The following NRG3 variants were observed in gnomAD, a reference collection of about 807,000 sequenced individuals.
NRG3 encodes neuregulin 3, also known as pro-neuregulin-3, membrane-bound isoform.
A neutral mutation model predicts 66.9 loss-of-function variants in NRG3; 31 were observed. The ratio of observed to expected loss-of-function variants is 0.46; its 90% confidence interval spans 0.35 to 0.63. The LOEUF is 0.63. Ranked by LOEUF, NRG3 falls within the 20% of genes least tolerant of loss-of-function variation. The pLI is 0.00. For synonymous variants in NRG3, 393 were observed against 359.4 expected (o/e 1.09, Z -1.06); for missense variants, 910 against 878.9 (o/e 1.04, Z -0.45).
intron 1 of NRG3, among the ~76,000 whole-genome samples, chr10:82,055,990 A>G (rs2063829752): frequency 6.6e-6 from 1 of 152,198 alleles, no homozygotes; most frequent in Non-Finnish European, 1.5e-5. Flanking sequence ...GGAATAGGAT[A>G]GTGAATGGAA....
chr10:81,955,491 TA>T (rs1314529290), intron 1 of NRG3, among the ~76,000 whole-genome samples: 3 of 152,164 alleles, frequency 2.0e-5, no homozygotes, highest in African/African-American at 7.2e-5. Context: ...TTGGGATCTG[TA>T]TCCAGCTAAG....
chr10:82,904,273 CTT>C (rs1844510385), intron 4 of NRG3, among the ~76,000 whole-genome samples: 4 of 152,112 alleles, frequency 2.6e-5, no homozygotes, highest in Admixed American at 2.6e-4. Flanking sequence ...CAAGACAACT[CTT>C]TTTCTTCAAA....
At chr10:82,304,747 A>G (rs911261982) in intron 1 of NRG3, among the ~76,000 whole-genome samples, 2 of 152,088 alleles carry the variant, frequency 1.3e-5, no homozygotes, top group East Asian at 3.9e-4. Flanking sequence ...TCTTTTGATT[A>G]CCTTAAAACC....
chr10:82,067,675 C>A (rs1173893374), intron 1 of NRG3, among the ~76,000 whole-genome samples: 1 of 152,174 alleles, frequency 6.6e-6, no homozygotes, highest in African/African-American at 2.4e-5. Flanking sequence ...GCTGACAGCA[C>A]CAGTGGATTG....
intron 1 of NRG3, among the ~76,000 whole-genome samples, chr10:81,917,414 A>G (rs2132825989): frequency 6.6e-6 from 1 of 152,322 alleles, no homozygotes; most frequent in South Asian, 2.1e-4. Flanking sequence ...ATAGCTCCTC[A>G]AAATATGTTT....
intron 2 of NRG3, among the ~76,000 whole-genome samples, chr10:82,716,401 T>C (rs987105277): frequency 2.0e-5 from 3 of 152,174 alleles, no homozygotes; most frequent in Non-Finnish European, 4.4e-5. Flanking sequence ...TATCTCTGAA[T>C]GCAGATCTGT....
At chr10:82,403,691 CT>C (rs1273295244) in intron 2 of NRG3, among the ~76,000 whole-genome samples, 8 of 152,094 alleles carry the variant, frequency 5.3e-5, no homozygotes, top group African/African-American at 1.9e-4. Context: ...ATTGAAAACA[CT>C]TAAGAGGGTG....
rs180735195 is a variant in NRG3, at chr10:82,020,137, T to C, written c.823+143974T>C. 2.4e-4 allele frequency among the ~76,000 whole-genome samples: 36 copies of C among 152,256 alleles called. No homozygotes were observed. In the East Asian group the frequency reaches 4.8e-3, roughly 20 times the overall value. ...TTTGAATTATAGCACAAATGTGTCA[T>C]TTTAGAAAATGCCAGGTTTATAGGA... is the stretch of plus-strand genomic sequence containing the variant. On this transcript the variant is annotated intron_variant, in intron 1 of 8. Coordinates refer to ENST00000372141, the MANE Select transcript of NRG3 (RefSeq NM_001010848.4).
intron 2 of NRG3, among the ~76,000 whole-genome samples, chr10:82,549,475 A>G (rs1421374817): frequency 1.3e-5 from 2 of 152,040 alleles, no homozygotes; most frequent in African/African-American, 4.8e-5. Context: ...CAGACAGGAG[A>G]GTTGGTTTTA....
At chr10:82,183,742 C>T (rs193065846) in intron 1 of NRG3, among the ~76,000 whole-genome samples, 13 of 152,124 alleles carry the variant, frequency 8.5e-5, no homozygotes, top group African/African-American at 2.9e-4. Flanking sequence ...TTACTGGCAT[C>T]CAGGGATGCA....
chr10:82,880,530 C>T (rs1276129771), intron 4 of NRG3, among the ~76,000 whole-genome samples: 1 of 152,154 alleles, frequency 6.6e-6, no homozygotes, highest in South Asian at 2.1e-4. Context: ...CAAAATGTCT[C>T]TAAAGCTTGA....
At chr10:82,862,000 A>G (rs879917566) in intron 3 of NRG3, among the ~76,000 whole-genome samples, 1 of 152,200 alleles carries the variant, frequency 6.6e-6, no homozygotes. Context: ...TACCACAGTC[A>G]GGAAGCTTCC....
At chr10:82,401,724 ATTATT>A (rs1326554593) in intron 2 of NRG3, among the ~76,000 whole-genome samples, 1 of 152,112 alleles carries the variant, frequency 6.6e-6, no homozygotes, top group African/African-American at 2.4e-5. Flanking sequence ...ATTCATTTGA[ATTATT>A]TGATGTTCTT....
At chr10:82,383,134 T>A (rs895513430) in intron 2 of NRG3, among the ~76,000 whole-genome samples, 1 of 152,012 alleles carries the variant, frequency 6.6e-6, no homozygotes, top group Non-Finnish European at 1.5e-5. Flanking sequence ...TTAAATGAAT[T>A]TTCCAATAAA....
intron 2 of NRG3, among the ~76,000 whole-genome samples, chr10:82,513,550 T>G (rs1382090218): frequency 6.6e-6 from 1 of 152,180 alleles, no homozygotes; most frequent in African/African-American, 2.4e-5. Flanking sequence ...TGAACTGACT[T>G]ACATTCCCAT....
intron 2 of NRG3, among the ~76,000 whole-genome samples, chr10:82,590,430 A>C (rs1460890793): frequency 1.3e-5 from 2 of 152,072 alleles, no homozygotes; most frequent in African/African-American, 4.8e-5. Flanking sequence ...GAGGTACTAA[A>C]CCCTCAGCTT....
chr10:82,648,804 G>A (rs2051169625), intron 2 of NRG3, among the ~76,000 whole-genome samples: 1 of 152,120 alleles, frequency 6.6e-6, no homozygotes, highest in Non-Finnish European at 1.5e-5. Context: ...TTGGCTCTCT[G>A]TTTGTCTGTT....
chr10:82,442,289 C>T (rs151301306), intron 2 of NRG3, among the ~76,000 whole-genome samples: 9 of 152,052 alleles, frequency 5.9e-5, no homozygotes, highest in Admixed American at 3.3e-4. Context: ...ATGGAGCTTG[C>T]GAATGAAAGA....
chr10:81,905,738 A>G (rs150063866), intron 1 of NRG3, among the ~76,000 whole-genome samples: 1 of 152,116 alleles, frequency 6.6e-6, no homozygotes, highest in African/African-American at 2.4e-5. Context: ...TGTTTTCTTC[A>G]TGTCCTTTGA....
Sources: gnomAD v4.1 joint callset for allele counts (sites outside exome capture counted in the v4.1 genomes callset) on GRCh38, gnomAD v4.1.1 for gene constraint, MANE v1.5 for transcripts, NCBI Gene and HGNC (gene_info 2026-07-23, HGNC 2026-07-21) for gene names.